Variants in TSHZ2 observed in about 807,000 individuals in gnomAD.
TSHZ2 encodes teashirt zinc finger homeobox 2.
TSHZ2 carries 21 observed loss-of-function variants against 74.4 expected under a neutral mutation model. That is an observed-to-expected ratio of 0.28 (90% CI 0.20 to 0.41). TSHZ2 has a LOEUF of 0.41. TSHZ2 is among the 10% of genes least tolerant of loss of function. The pLI, the probability that TSHZ2 is intolerant of heterozygous loss-of-function variation, is 1.00. For missense variants in TSHZ2, 1,244 were observed against 1,293.5 expected (o/e 0.96, Z 0.59); for synonymous variants, 540 against 515.3 (o/e 1.05, Z -0.65).
At chr20:53,143,943 A>G (rs1987476181) in intron 1 of TSHZ2, among the ~76,000 whole-genome samples, 1 of 152,072 alleles carries the variant, frequency 6.6e-6, no homozygotes, top group Non-Finnish European at 1.5e-5. Context: ...TTTAAGGATA[A>G]TTTGGTGGGT....
intron 1 of TSHZ2, among the ~76,000 whole-genome samples, chr20:53,036,605 CAT>C (rs1983827663): frequency 2.0e-5 from 3 of 148,302 alleles, no homozygotes; most frequent in South Asian, 4.2e-4. Flanking sequence ...TTATGTATAT[CAT>C]ATATAATATA....
chr20:53,355,424 C>A (rs1041893210), intron 2 of TSHZ2, among the ~76,000 whole-genome samples: 1 of 152,104 alleles, frequency 6.6e-6, no homozygotes, highest in African/African-American at 2.4e-5. Flanking sequence ...TGCTAAAGAG[C>A]AATTAATAAA....
At chr20:53,238,572 TATGTTC>T (rs1483426297) in intron 1 of TSHZ2, among the ~76,000 whole-genome samples, 1 of 152,106 alleles carries the variant, frequency 6.6e-6, no homozygotes, top group Non-Finnish European at 1.5e-5. Flanking sequence ...AAAGTTGTCA[TATGTTC>T]ATTTCACCTC....
intron 2 of TSHZ2, among the ~76,000 whole-genome samples, chr20:53,482,228 C>T (rs1431396730): frequency 6.6e-6 from 1 of 151,670 alleles, no homozygotes; most frequent in Non-Finnish European, 1.5e-5. Flanking sequence ...TATTACAAGC[C>T]GTATAAGAAG....
chr20:53,037,809 C>A (rs1367494266), intron 1 of TSHZ2, among the ~76,000 whole-genome samples: 1 of 152,156 alleles, frequency 6.6e-6, no homozygotes, highest in Non-Finnish European at 1.5e-5. Context: ...CTGGATCATC[C>A]GCTACCAACA....
intron 2 of TSHZ2, among the ~76,000 whole-genome samples, chr20:53,321,906 T>C (rs1226584738): frequency 6.6e-6 from 1 of 152,104 alleles, no homozygotes; most frequent in Non-Finnish European, 1.5e-5. Context: ...GGAGTCCCTG[T>C]GAGCTGGATC....
intron 2 of TSHZ2, among the ~76,000 whole-genome samples, chr20:53,328,312 G>A (rs981902902): frequency 9.2e-5 from 14 of 152,190 alleles, no homozygotes; most frequent in African/African-American, 1.4e-4. Flanking sequence ...TGAGAAGGTC[G>A]TGGAAATCGT....
chr20:52,982,546 A>T lies in TSHZ2; in HGVS notation c.40+9213A>T, dbSNP rs145715995. 8.0e-3 allele frequency among the ~76,000 whole-genome samples: 1,215 copies of T among 152,310 alleles called. 11 individuals carry two copies. Among genetic ancestry groups the T allele is most frequent in the African/African-American group, 0.027 (1,114 of 41,560 alleles). On this transcript the variant is annotated intron_variant, in intron 1 of 2. Coordinates refer to ENST00000371497, the MANE Select transcript of TSHZ2 (RefSeq NM_173485.6). Reference sequence around the variant, plus strand: ...CGTACATGCATTCATTTGTTCAACAAATATTGGCTGTGCATCTATTATGTG... The same window carrying T: ...CGTACATGCATTCATTTGTTCAACATATATTGGCTGTGCATCTATTATGTG...
At chr20:53,356,947 G>A (rs1980868314) in intron 2 of TSHZ2, among the ~76,000 whole-genome samples, 1 of 152,128 alleles carries the variant, frequency 6.6e-6, no homozygotes, top group Admixed American at 6.5e-5. Flanking sequence ...TTTCTTTAGT[G>A]TGTGTGAATG....
intron 1 of TSHZ2, among the ~76,000 whole-genome samples, chr20:53,180,103 T>C (rs1388823287): frequency 6.6e-6 from 1 of 152,216 alleles, no homozygotes; most frequent in Non-Finnish European, 1.5e-5. Context: ...ATTGAGTACT[T>C]TCCCCATTAA....
chr20:53,460,933 G>T (rs2145811338), intron 2 of TSHZ2, among the ~76,000 whole-genome samples: 1 of 152,350 alleles, frequency 6.6e-6, no homozygotes, highest in Non-Finnish European at 1.5e-5. Context: ...GAGAACCACT[G>T]CTCTCTTCAA....
chr20:53,211,214 G>A (rs1294386805), intron 1 of TSHZ2, among the ~76,000 whole-genome samples: 1 of 152,170 alleles, frequency 6.6e-6, no homozygotes, highest in Non-Finnish European at 1.5e-5. Context: ...AACAGGCCCA[G>A]AGACTTTAAG....
chr20:53,148,148 C>T (rs1002138068), intron 1 of TSHZ2, among the ~76,000 whole-genome samples: 3 of 152,286 alleles, frequency 2.0e-5, no homozygotes, highest in South Asian at 2.1e-4. Flanking sequence ...TTTTCTATAT[C>T]GTACTATTTA....
At chr20:53,353,707 CA>C (rs1489158296) in intron 2 of TSHZ2, among the ~76,000 whole-genome samples, 1 of 152,174 alleles carries the variant, frequency 6.6e-6, no homozygotes, top group Admixed American at 6.5e-5. Flanking sequence ...ATTGCTGGGT[CA>C]AGGAGTTACA....
intron 2 of TSHZ2, among the ~76,000 whole-genome samples, chr20:53,408,153 C>A (rs903278922): frequency 6.6e-6 from 1 of 152,134 alleles, no homozygotes; most frequent in Non-Finnish European, 1.5e-5. Context: ...CCCCTGAATC[C>A]GCCAGGTGGC....
At chr20:53,215,663 T>C (rs1989419426) in intron 1 of TSHZ2, among the ~76,000 whole-genome samples, 1 of 151,568 alleles carries the variant, frequency 6.6e-6, no homozygotes, top group African/African-American at 2.4e-5. Context: ...GGTCGGGAGT[T>C]CGAGACCAGC....
chr20:53,481,671 A>G (rs1426346215), intron 2 of TSHZ2, among the ~76,000 whole-genome samples: 2 of 152,192 alleles, frequency 1.3e-5, no homozygotes, highest in East Asian at 3.8e-4. Context: ...CCCTTCTTCA[A>G]GTATAGGAAC....
chr20:53,387,936 C>T (rs186130274), intron 2 of TSHZ2, among the ~76,000 whole-genome samples: 2 of 151,868 alleles, frequency 1.3e-5, no homozygotes, highest in East Asian at 1.9e-4. Flanking sequence ...GTAGTCCCAG[C>T]TACTCAGGAG....
At chr20:53,365,700 G>A (rs968091756) in intron 2 of TSHZ2, among the ~76,000 whole-genome samples, 12 of 152,180 alleles carry the variant, frequency 7.9e-5, no homozygotes, top group Non-Finnish European at 1.8e-4. Context: ...GTGGCTTCCA[G>A]GCTTTCAACA....
Sources: gnomAD v4.1 joint callset for allele counts (sites outside exome capture counted in the v4.1 genomes callset) on GRCh38, gnomAD v4.1.1 for gene constraint, MANE v1.5 for transcripts, NCBI Gene and HGNC (gene_info 2026-07-23, HGNC 2026-07-21) for gene names.